Variants in TBL1X observed in about 807,000 individuals in gnomAD.
The protein encoded by TBL1X is transducin beta like 1 X-linked.
TBL1X carries 10 observed loss-of-function variants against 50.7 expected under a neutral mutation model. That is an observed-to-expected ratio of 0.20 (90% CI 0.12 to 0.33). The LOEUF (loss-of-function observed/expected upper bound fraction) is 0.33. Among genes scored for constraint, TBL1X ranks in the 10% least tolerant of loss-of-function variants. The probability of loss-of-function intolerance (pLI) is 1.00; values close to 1 mark genes in which losing one functional copy is unlikely to be tolerated. For missense variants in TBL1X, 340 were observed against 504.4 expected, an observed-to-expected ratio of 0.67 and a Z score of 3.12; for synonymous variants, 190 against 214.7, an observed-to-expected ratio of 0.88 and a Z score of 1.01.
chrX:9,605,507 C>G (rs1387756460), intron 2 of TBL1X, among the ~76,000 whole-genome samples: 1 of 112,546 alleles, frequency 8.9e-6, no homozygotes, highest in Non-Finnish European at 1.9e-5. Flanking sequence ...TAAAATAAAT[C>G]AGACAAGTTT....
chrX:9,590,889 T>C (rs2082496271), intron 2 of TBL1X, among the ~76,000 whole-genome samples: 1 of 108,180 alleles, frequency 9.2e-6, no homozygotes. Flanking sequence ...TGAGTATGAG[T>C]TGGCATGTCC....
At chrX:9,545,268 G>A (rs1323718464) in intron 2 of TBL1X, among the ~76,000 whole-genome samples, 4 of 111,324 alleles carry the variant, frequency 3.6e-5, no homozygotes, top group East Asian at 2.8e-4. Flanking sequence ...CTGGCTGGGT[G>A]TGGTGGCTCA....
chrX:9,631,687 C>G lies in TBL1X; in HGVS notation c.-130-8586C>G, dbSNP rs1444220514. 5.3e-5 allele frequency among the ~76,000 whole-genome samples: 6 copies of G among 112,917 alleles called. No homozygotes were observed. The South Asian group carries it at 2.2e-3, about 41-fold the overall frequency. ...GTATGTTTTACTTTTATACATGTTA[C>G]AAACACCATAATACGTTGTTATTAA... On this transcript the variant is annotated intron_variant, in intron 2 of 17. Transcript: ENST00000645353.
At chrX:9,516,456 C>T (rs112981995) in intron 2 of TBL1X, among the ~76,000 whole-genome samples, 4 of 111,961 alleles carry the variant, frequency 3.6e-5, no homozygotes, top group South Asian at 3.7e-4. Flanking sequence ...CCAGCACAGA[C>T]GGAGATAAAG....
intron 2 of TBL1X, among the ~76,000 whole-genome samples, chrX:9,565,402 C>T (rs1013114918): frequency 1.9e-5 from 2 of 107,753 alleles, no homozygotes; most frequent in Middle Eastern, 4.7e-3. Flanking sequence ...CTATCGAAAA[C>T]GTGGAAGGGT....
intron 5 of TBL1X, among the ~76,000 whole-genome samples, chrX:9,665,380 A>T (rs2082921351): frequency 1.0e-5 from 1 of 98,533 alleles, no homozygotes; most frequent in Admixed American, 1.2e-4. Context: ...AAATTATGAC[A>T]GTGAGAGAAA....
At chrX:9,519,690 C>T (rs747170778) in intron 2 of TBL1X, among the ~76,000 whole-genome samples, 8 of 111,715 alleles carry the variant, frequency 7.2e-5, no homozygotes, top group Non-Finnish European at 1.1e-4. Flanking sequence ...CTTTGGGAAG[C>T]GGCTTCCTTG....
chrX:9,664,194 G>T (rs1477906474), intron 5 of TBL1X, among the ~76,000 whole-genome samples: 1 of 112,307 alleles, frequency 8.9e-6, no homozygotes, highest in Admixed American at 9.4e-5. Context: ...TTTCCCCTGA[G>T]TCCATAGTAA....
chrX:9,518,123 A>C lies in TBL1X; in HGVS notation c.-131+16274A>C, dbSNP rs1191106705. 6.3e-5 allele frequency among the ~76,000 whole-genome samples: 7 copies of C among 110,482 alleles called. No homozygotes were observed. In the East Asian group the frequency reaches 2.0e-3, roughly 31 times the overall value. The stretch of plus-strand genomic sequence containing the variant: ...CAAAAAAAAAAAAAAAAAAGAAAAG[A>C]AAAAAACAGTACCTTGTTGATACAT... On this transcript the variant is annotated intron_variant, in intron 2 of 17. Coordinates refer to ENST00000645353, the MANE Select transcript of TBL1X (RefSeq NM_005647.4).
chrX:9,692,277 G>A (rs774619557), intron 9 of TBL1X, 23 bp downstream of exon 9: 2 of 1,151,886 alleles, frequency 1.7e-6, no homozygotes, highest in Admixed American at 5.7e-5. Flanking sequence ...CACCCCCTGG[G>A]CACTTTGAAA....
In TBL1X at chrX:9,685,954, C is replaced by G. The variant is rs1201896996; in HGVS notation, c.357+1766C>G. Among the ~76,000 whole-genome samples, 3 of 110,408 alleles carry G rather than the reference C, an allele frequency of 2.7e-5. No homozygotes were observed. In the Admixed American group the frequency reaches 2.9e-4, roughly 11 times the overall value. On this transcript the variant is annotated intron_variant, in intron 6 of 17. Transcript: ENST00000645353. ...GAACTCCTGGGCTCAAGCGATCCTC[C>G]CGCGATCCTCCCGCCTTGGCCTCCC...
chrX:9,585,643 A>G (rs1372762261), intron 2 of TBL1X, among the ~76,000 whole-genome samples: 3 of 111,106 alleles, frequency 2.7e-5, no homozygotes, highest in Non-Finnish European at 5.7e-5. Flanking sequence ...CAGAGGCCAC[A>G]GGTCTGAAAC....
chrX:9,709,517 CTG>C, intron 14 of TBL1X, 114 bp from the exon 15 acceptor site: 2 of 1,086,727 alleles, frequency 1.8e-6, no homozygotes, highest in Non-Finnish European at 2.5e-6. Flanking sequence ...TTTCTCACCA[CTG>C]TGCACCCTCC....
intron 2 of TBL1X, among the ~76,000 whole-genome samples, chrX:9,632,144 A>G (rs2082724698): frequency 8.9e-6 from 1 of 111,844 alleles, no homozygotes; most frequent in Non-Finnish European, 1.9e-5. Flanking sequence ...ATTTTCAAGA[A>G]ATTGATTGTG....
At chrX:9,500,537 A>G (rs889226666) in intron 1 of TBL1X, among the ~76,000 whole-genome samples, 1 of 111,945 alleles carries the variant, frequency 8.9e-6, no homozygotes, top group Admixed American at 9.4e-5. Context: ...TGGAGGTTGC[A>G]ATGAGCCGAG....
chrX:9,624,733 G>A (rs1233784092), intron 2 of TBL1X, among the ~76,000 whole-genome samples: 1 of 111,989 alleles, frequency 8.9e-6, no homozygotes, highest in East Asian at 2.8e-4. Flanking sequence ...AGAGAAAGGC[G>A]GGATTTGGGA....
Position 9,716,698 on chromosome X carries a change from A to G in TBL1X, c.*452A>G, listed in dbSNP as rs16985675. On this transcript the variant is annotated 3_prime_UTR_variant, in exon 18 of 18. Coordinates refer to ENST00000645353, the MANE Select transcript of TBL1X (RefSeq NM_005647.4). ...TTTTCCCTAACAATTTGGACACTACAATTGCTCTCACAAAGGAGGTTCAAA... is the reference window on the plus strand; with the variant it reads ...TTTTCCCTAACAATTTGGACACTACGATTGCTCTCACAAAGGAGGTTCAAA... 0.34 allele frequency: 39,141 copies of G among 113,772 alleles called. 5,562 individuals carry two copies. Among genetic ancestry groups the G allele is most frequent in the African/African-American group, 0.51 (15,282 of 29,868 alleles). The allele number at this position is 113,772 out of a possible 1,213,427, so 9.4% of individuals were successfully genotyped here.
At chrX:9,645,453 G>C (rs2082799210) in intron 3 of TBL1X, 1 of 111,941 alleles carries the variant, frequency 8.9e-6, no homozygotes, top group Admixed American at 9.5e-5. Flanking sequence ...TGGGAGCCGT[G>C]CTTTTCCCAC....
chrX:9,630,258 G>A (rs936874301), intron 2 of TBL1X, among the ~76,000 whole-genome samples: 1 of 111,690 alleles, frequency 9.0e-6, no homozygotes, highest in African/African-American at 3.3e-5. Flanking sequence ...TCGATGTTTC[G>A]TTTCTTTTTA....
Sources: gnomAD v4.1 joint callset for allele counts (sites outside exome capture counted in the v4.1 genomes callset) on GRCh38, gnomAD v4.1.1 for gene constraint, MANE v1.5 for transcripts, NCBI Gene and HGNC (gene_info 2026-07-23, HGNC 2026-07-21) for gene names.